Variants in ARHGEF3 observed in about 807,000 individuals in gnomAD.
The protein encoded by ARHGEF3 is Rho guanine nucleotide exchange factor 3, also known as 59.8 kDA protein.
Under a neutral mutation model 63.2 loss-of-function variants are expected in ARHGEF3, and 28 were observed. That is an observed-to-expected ratio of 0.44 (90% confidence interval 0.33 to 0.61). The LOEUF is 0.61. ARHGEF3 is among the 20% of genes least tolerant of loss of function. The pLI, the probability that ARHGEF3 is intolerant of heterozygous loss-of-function variation, is 0.03. For synonymous variants in ARHGEF3, 266 were observed against 254.2 expected (o/e 1.05, Z -0.44); for missense variants, 533 against 659.3 (o/e 0.81, Z 2.10).
rs34125130 is a variant in ARHGEF3, at chr3:57,075,513, G to GA, written c.-28+3712dup. 9.5e-4 allele frequency: 140 copies of GA among 147,208 alleles called. 1 individual carries two copies. The East Asian group carries it at 0.012, about 12-fold the overall frequency. The allele number at this position is 147,208 out of a possible 1,614,324, so 9.1% of individuals were successfully genotyped here. On this transcript the variant is annotated intron_variant, in intron 1 of 12. Transcript: ENST00000338458. ...CTCTTTTTTTTTCTTCTTTTTTTAA[G>GA]AAAAAAAAAAAAATGGGCCCGGCAT...
At chr3:56,900,109 T>TTGTA (rs1032451161) in intron 3 of ARHGEF3, among the ~76,000 whole-genome samples, 10 of 152,232 alleles carry the variant, frequency 6.6e-5, no homozygotes, top group African/African-American at 2.4e-4. Context: ...CTGGCTGGCT[T>TTGTA]TGTAGCAGAG....
At chr3:56,792,954 A>G (rs578193175) in intron 1 of ARHGEF3, among the ~76,000 whole-genome samples, 19 of 151,466 alleles carry the variant, frequency 1.3e-4, no homozygotes, top group African/African-American at 4.4e-4. Flanking sequence ...TGCCCCACCA[A>G]TAAGTGTATT....
Position 56,756,545 on chromosome 3 carries a change from C to CTT in ARHGEF3, c.205-1396_205-1395dup, listed in dbSNP as rs35251607. 4.7e-3 allele frequency among the ~76,000 whole-genome samples: 472 copies of CTT among 100,030 alleles called. 1 individual carries two copies. Among genetic ancestry groups the CTT allele is most frequent in the East Asian group, 7.8e-3 (25 of 3,186 alleles). The allele number at this position is 100,030 out of a possible 152,430, so 65.6% of individuals were successfully genotyped here. The stretch of plus-strand genomic sequence containing the variant: ...TGTGTTTCCATCACTTCATAGCTGG[C>CTT]TTTTTTTTTTTTTTTTTTTTTTGAG... On this transcript the variant is annotated intron_variant, in intron 2 of 9. Transcript: ENST00000296315.
intron 3 of ARHGEF3, among the ~76,000 whole-genome samples, chr3:56,949,534 C>T (rs1216981155): frequency 6.6e-6 from 1 of 151,904 alleles, no homozygotes; most frequent in South Asian, 2.1e-4. Context: ...TTCACAATTG[C>T]TTCAAAGAGA....
chr3:56,833,924 C>CG (rs1046711173), intron 4 of ARHGEF3, among the ~76,000 whole-genome samples: 79 of 150,736 alleles, frequency 5.2e-4, no homozygotes, highest in African/African-American at 1.8e-3. Context: ...GTTTTCCCCC[C>CG]CCAATTTTTA....
chr3:57,033,876 C>A (rs1282063887), intron 2 of ARHGEF3, among the ~76,000 whole-genome samples: 1 of 151,998 alleles, frequency 6.6e-6, no homozygotes, highest in African/African-American at 2.4e-5. Flanking sequence ...GAAACTTCAT[C>A]TCTACTAAAA....
chr3:56,729,706 C>T, intron 9 of ARHGEF3, 84 bp from the exon 10 acceptor site: 1 of 1,145,904 alleles, frequency 8.7e-7, no homozygotes, highest in Admixed American at 2.3e-5. Context: ...TGACACTAAA[C>T]CCCAGAATCC....
At position 56,968,093 on chromosome 3, in the gene ARHGEF3, A is replaced by G. The variant is rs1700686429; in HGVS notation, c.63-9204T>C. On this transcript the variant is annotated intron_variant, in intron 2 of 12. Coordinates refer to the ARHGEF3 transcript ENST00000338458. Reference sequence around the variant, plus strand: ...ATAATATATTATATATTTATTATACATAAAATATATATTGTATATAATATA... The same window carrying G: ...ATAATATATTATATATTTATTATACGTAAAATATATATTGTATATAATATA... 5.4e-5 allele frequency among the ~76,000 whole-genome samples: 3 copies of G among 55,090 alleles called. No individual in the cohort carries two copies. The South Asian group carries it at 1.5e-3, about 28-fold the overall frequency. The allele number at this position is 55,090 out of a possible 152,430, so 36.1% of individuals were successfully genotyped here.
intron 4 of ARHGEF3, among the ~76,000 whole-genome samples, chr3:56,817,443 A>G (rs1445341783): frequency 6.6e-6 from 1 of 152,316 alleles, no homozygotes; most frequent in East Asian, 1.9e-4. Context: ...GTGGCACATC[A>G]TCCAAGCAAA....
intron 9 of ARHGEF3, 95 bp from the exon 10 acceptor site, chr3:56,729,717 A>G: frequency 9.7e-7 from 1 of 1,030,866 alleles, no homozygotes; most frequent in South Asian, 1.6e-5. Context: ...CCCAGAATCC[A>G]TGGCAGGTAT....
At chr3:56,984,483 T>G (rs1163033556) in intron 2 of ARHGEF3, among the ~76,000 whole-genome samples, 2 of 152,082 alleles carry the variant, frequency 1.3e-5, no homozygotes, top group Admixed American at 1.3e-4. Flanking sequence ...AACTGTGATG[T>G]CTGATTTGCC....
chr3:56,945,505 G>A (rs1699441599), intron 3 of ARHGEF3, among the ~76,000 whole-genome samples: 4 of 152,330 alleles, frequency 2.6e-5, no homozygotes, highest in South Asian at 4.1e-4. Context: ...TACGCCCACA[G>A]AGACTCGCTC....
At chr3:56,801,985 C>T (rs184010343), upstream of ARHGEF3, 6,133 of 1,504,610 alleles carry the variant, frequency 4.1e-3, 22 homozygotes, top group Non-Finnish European at 4.8e-3. Flanking sequence ...CCGTGCCAGC[C>T]ACGCCTTGAT....
At chr3:56,869,160 T>TAA (rs35040202) in intron 4 of ARHGEF3, among the ~76,000 whole-genome samples, 25 of 146,630 alleles carry the variant, frequency 1.7e-4, no homozygotes, top group East Asian at 4.0e-4. Context: ...CGTGAGGAGT[T>TAA]AAAAAAAAAA....
chr3:56,944,893 T>A (rs1467914062), intron 3 of ARHGEF3, among the ~76,000 whole-genome samples: 1 of 152,168 alleles, frequency 6.6e-6, no homozygotes, highest in Admixed American at 6.5e-5. Flanking sequence ...AGTAGTTTCT[T>A]GAGATAGAAT....
chr3:56,925,160 G>A (rs1438198672), intron 3 of ARHGEF3, among the ~76,000 whole-genome samples: 1 of 152,264 alleles, frequency 6.6e-6, no homozygotes, highest in African/African-American at 2.4e-5. Context: ...GAGGGTGGTG[G>A]CAGCTTGCAG....
chr3:57,030,742 G>T (rs538779462), intron 2 of ARHGEF3, among the ~76,000 whole-genome samples: 14 of 152,238 alleles, frequency 9.2e-5, no homozygotes, highest in African/African-American at 3.4e-4. Context: ...AGTCACTGAT[G>T]ACCACAGAAA....
chr3:56,787,870 G>A (rs576697092), intron 1 of ARHGEF3, among the ~76,000 whole-genome samples: 1 of 152,150 alleles, frequency 6.6e-6, no homozygotes, highest in Admixed American at 6.5e-5. Flanking sequence ...ACTCAGAGGC[G>A]TTAAGGGCCT....
intron 1 of ARHGEF3, among the ~76,000 whole-genome samples, chr3:57,045,016 G>T (rs945081450): frequency 4.6e-5 from 7 of 152,072 alleles, no homozygotes; most frequent in Admixed American, 1.3e-4. Context: ...CCTGTAATCC[G>T]AGCACTCTGG....
Sources: gnomAD v4.1 joint callset for allele counts (sites outside exome capture counted in the v4.1 genomes callset) on GRCh38, gnomAD v4.1.1 for gene constraint, MANE v1.5 for transcripts, NCBI Gene and HGNC (gene_info 2026-07-23, HGNC 2026-07-21) for gene names.